RECQL5: variants seen among roughly 807,000 people sequenced by gnomAD.
RECQL5 encodes ATP-dependent DNA helicase Q5.
RECQL5 carries 88 observed loss-of-function variants against 103.4 expected under a neutral mutation model. The ratio of observed to expected loss-of-function variants is 0.85; its 90% CI spans 0.72 to 1.02. The LOEUF (loss-of-function observed/expected upper bound fraction) is 1.02, where lower values mean the gene tolerates loss of function less well. RECQL5 is among the 50% of genes least tolerant of loss of function. RECQL5 has a pLI of 0.00. For missense variants in RECQL5, 1,232 were observed against 1,284.3 expected (o/e 0.96, Z 0.62); for synonymous variants, 552 against 507.9 (o/e 1.09, Z -1.17).
At chr17:75,641,315 TCTGCATC>T (rs2059431166) in intron 8 of RECQL5, 1 of 164,360 alleles carries the variant, frequency 6.1e-6, no homozygotes, top group Admixed American at 5.9e-5. Flanking sequence ...TGCAATAGCT[TCTGCATC>T]CGAGCTCCCG....
chr17:75,650,716 C>T (rs373339430), intron 8 of RECQL5: 34 of 1,613,254 alleles, frequency 2.1e-5, no homozygotes, highest in Middle Eastern at 1.6e-4. Context: ...CCTGCCCCAT[C>T]GCCTGCAGAT....
rs1046308815 is a variant in RECQL5, at chr17:75,635,958, C to T, written c.1230-4290G>A. ...GGGATGCCTGCCTGTTGCAAGGCTC[C>T]GTGTGCCAGGAGATGCCACATAAAG... is the stretch of plus-strand genomic sequence containing the variant. On this transcript the variant is annotated intron_variant, in intron 8 of 19. Transcript: ENST00000317905. The T allele has an allele frequency of 1.8e-5, 11 of 622,758 alleles. No individual in the cohort carries two copies. In the Admixed American group the frequency reaches 5.1e-4, roughly 29 times the overall value. The allele number at this position is 622,758 out of a possible 1,614,324, so 38.6% of individuals were successfully genotyped here.
At position 75,658,321 on chromosome 17, in the gene RECQL5, TG is replaced by T; in HGVS notation, c.1125del (p.Arg376GlyfsTer4). 1 of 1,613,868 alleles carries T rather than the reference TG, an allele frequency of 6.2e-7. No homozygotes were observed. The highest frequency in any genetic ancestry group is 8.5e-7 in the Non-Finnish European group (1 of 1,179,842). On this transcript the variant is annotated frameshift_variant, in exon 7 of 20. Transcript: ENST00000317905. LOFTEE classifies it high-confidence loss of function. ...RNDRDQVSFL[I>X]RKEVAKLQEK... ...ACCTGGAGTTTTGCTACTTCCTTCC[TG>T]ATCAGGAAGCTGACTTGGTCCCGGT...
In RECQL5 at chr17:75,640,053, G is replaced by C. The variant is rs1391852157; in HGVS notation, c.1230-8385C>G. The C allele has an allele frequency of 8.5e-6, 10 of 1,173,742 alleles. No homozygotes were observed. The highest frequency in any genetic ancestry group is 2.9e-4 in the Middle Eastern group (1 of 3,440). The allele number at this position is 1,173,742 out of a possible 1,614,324, so 72.7% of individuals were successfully genotyped here. A position where few individuals can be genotyped will look rare whatever the true frequency, so the allele number is the denominator to read the frequency against. ...AAGTCACCAGGGGTGCAATGTGTGAGACCTGACAAACTTGTTCTGCGGGCT... is the reference window on the plus strand; with the variant it reads ...AAGTCACCAGGGGTGCAATGTGTGACACCTGACAAACTTGTTCTGCGGGCT... On this transcript the variant is annotated intron_variant, in intron 8 of 19. Coordinates refer to ENST00000317905, the MANE Select transcript of RECQL5 (RefSeq NM_004259.7). This position sits in a 1 kb window ranked among gnomAD's most constrained non-coding sequence, Gnocchi z 4.6.
Position 75,650,875 on chromosome 17 carries a change from G to A in RECQL5, c.1229+311C>T, listed in dbSNP as rs145601821. On this transcript the variant is annotated intron_variant, in intron 8 of 19. Transcript: ENST00000317905. ...GGTGGCACATGATGACCACAAAGCCGATGGCTCAGAGCTGGTCACATCCCT... is the reference window on the plus strand; with the variant it reads ...GGTGGCACATGATGACCACAAAGCCAATGGCTCAGAGCTGGTCACATCCCT... 2.0e-3 allele frequency: 2,929 copies of A among 1,459,608 alleles called. 41 individuals carry two copies. The African/African-American group carries it at 0.035, about 17-fold the overall frequency. The allele number at this position is 1,459,608 out of a possible 1,614,324, so 90.4% of individuals were successfully genotyped here. A position where few individuals can be genotyped will look rare whatever the true frequency, so the allele number is the denominator to read the frequency against.
rs1243501468 is a variant in RECQL5 at position 75,628,236 on chromosome 17, C to T, written c.2787G>A (p.Glu929=). 1 of 1,614,138 alleles carries T rather than the reference C, an allele frequency of 6.2e-7. No individual in the cohort carries two copies. Among genetic ancestry groups the T allele is most frequent in the Non-Finnish European group, 8.5e-7 (1 of 1,180,002 alleles). ...VVKCLTPFYK[E]GKFASKELFK... is the part of the protein sequence containing the mutation. Reference sequence around the variant, plus strand: ...CCCCTACCTTGGAAGCAAACTTGCCCTCCTTGTAGAAAGGGGTGAGGCACT... The same window carrying T: ...CCCCTACCTTGGAAGCAAACTTGCCTTCCTTGTAGAAAGGGGTGAGGCACT... The change falls in exon 18 of 20, where the codon GAG becomes GAA. Residue 929 remains glutamate (E), a synonymous_variant. Coordinates refer to ENST00000317905, the MANE Select transcript of RECQL5 (RefSeq NM_004259.7).
intron 8 of RECQL5, among the ~76,000 whole-genome samples, chr17:75,645,980 G>A (rs2059484612): frequency 6.6e-6 from 1 of 152,204 alleles, no homozygotes; most frequent in Non-Finnish European, 1.5e-5. Flanking sequence ...CACAGTGCCT[G>A]GCATGGTTCC....
rs758760227 is a variant in RECQL5, at chr17:75,631,599, G to A, written c.1299C>T (p.His433=). Residue 433 remains histidine, a synonymous_variant, in exon 9 of 20, where the codon CAC becomes CAT. Coordinates refer to ENST00000317905, the MANE Select transcript of RECQL5 (RefSeq NM_004259.7). Reference sequence around the variant, plus strand: ...TCCGCACGGCCGTGGGGTTCTGGCAGTGGTCGCAGCCTTTGGCGCAGGCAG... The same window carrying A: ...TCCGCACGGCCGTGGGGTTCTGGCAATGGTCGCAGCCTTTGGCGCAGGCAG... The part of the protein sequence containing the change: ...ALPACAKGCD[H]CQNPTAVRRR... 8 of 1,612,906 alleles carry A rather than the reference G, an allele frequency of 5.0e-6. No homozygotes were observed. In the South Asian group the frequency reaches 8.8e-5, roughly 18 times the overall value.
At chr17:75,637,921 T>C in intron 8 of RECQL5, 1 of 152,478 alleles carries the variant, frequency 6.6e-6, no homozygotes, top group Non-Finnish European at 1.5e-5. Context: ...CTGTGTAACC[T>C]CAGAGAAGTT....
chr17:75,631,296 C>T, intron 9 of RECQL5, 47 bp from the exon 10 acceptor site: 1 of 1,584,160 alleles, frequency 6.3e-7, no homozygotes, highest in Non-Finnish European at 8.7e-7. Context: ...GCTCTGCCCT[C>T]CCCATGTGTG....
At chr17:75,658,107 GAAAGAA>G (rs1481270105) in intron 7 of RECQL5, among the ~76,000 whole-genome samples, 185 bp downstream of exon 7, 1 of 152,088 alleles carries the variant, frequency 6.6e-6, no homozygotes, top group Non-Finnish European at 1.5e-5. Context: ...TAAATATTTA[GAAAGAA>G]AAAGTCTAAC....
chr17:75,647,583 T>G, intron 8 of RECQL5: 1 of 1,549,166 alleles, frequency 6.5e-7, no homozygotes, highest in Non-Finnish European at 8.7e-7. Context: ...TGCTGGGGAC[T>G]GAGATGGCAG....
At chr17:75,645,664 G>A (rs1226183062) in intron 8 of RECQL5, among the ~76,000 whole-genome samples, 1 of 152,194 alleles carries the variant, frequency 6.6e-6, no homozygotes, top group East Asian at 1.9e-4. Context: ...TAGTCAGTAA[G>A]TTTCACACAA....
In RECQL5 at chr17:75,627,078, T is replaced by A; in HGVS notation, c.*344A>T. The stretch of plus-strand genomic sequence containing the variant: ...GGTAGGTTCCGATACCTTGGACAGG[T>A]GGGCCTCATCCTGACTTAGAACTCG... On this transcript the variant is annotated 3_prime_UTR_variant, in exon 20 of 20. Coordinates refer to ENST00000317905, the MANE Select transcript of RECQL5 (RefSeq NM_004259.7). 2.1e-6 allele frequency: 1 copy of A among 470,932 alleles called. No homozygotes were observed. Among genetic ancestry groups the A allele is most frequent in the Non-Finnish European group, 4.2e-6 (1 of 238,978 alleles). 29.2% of individuals were successfully genotyped at this position (470,932 alleles called of 1,614,324 possible).
intron 8 of RECQL5, among the ~76,000 whole-genome samples, chr17:75,642,957 C>T (rs2059450522): frequency 6.6e-6 from 1 of 152,212 alleles, no homozygotes; most frequent in Non-Finnish European, 1.5e-5. Context: ...ACAGATAAGG[C>T]TCTAATCCAT....
intron 8 of RECQL5, among the ~76,000 whole-genome samples, chr17:75,631,933 G>A (rs2059224241): frequency 6.6e-6 from 1 of 152,238 alleles, no homozygotes. Context: ...ACCCCACTCT[G>A]TCCAGTTACT....
chr17:75,628,910 T>C, intron 16 of RECQL5, 24 bp downstream of exon 16: 1 of 1,581,792 alleles, frequency 6.3e-7, no homozygotes, highest in South Asian at 1.2e-5. Context: ...TTCCAGAAGA[T>C]TCTATGACTA....
In RECQL5 at chr17:75,627,423, C is replaced by A; in HGVS notation, c.2975G>T (p.Ter992LeuextTer15). The A allele has an allele frequency of 1.9e-6, 3 of 1,612,802 alleles. No individual in the cohort carries two copies. Among genetic ancestry groups the A allele is most frequent in the South Asian group, 2.2e-5 (2 of 91,008 alleles). Residue 992 changes from the stop codon to leucine, a stop_lost, in exon 20 of 20, where the codon TGA becomes TTA. Coordinates refer to ENST00000317905, the MANE Select transcript of RECQL5 (RefSeq NM_004259.7). ...DWHGLCGPQR[*>L] ...GGGCCCTGCCCAGCCAGCAGTTGGT[C>A]ATCTCTGGGGGCCACACAGGCCATG...
chr17:75,665,638 C>T (rs1435575755), intron 2 of RECQL5, among the ~76,000 whole-genome samples: 1 of 147,526 alleles, frequency 6.8e-6, no homozygotes, highest in Admixed American at 6.9e-5. Flanking sequence ...TGCAGTGAGC[C>T]GAGATCGCGC....
Sources: allele counts gnomAD v4.1 joint callset (sites outside exome capture counted in the v4.1 genomes callset), GRCh38; gene constraint gnomAD v4.1.1; non-coding constraint Gnocchi (gnomAD v3.1); transcripts MANE v1.5; gene names NCBI Gene and HGNC (gene_info 2026-07-23, HGNC 2026-07-21).